Variants in PDE1A observed in about 807,000 individuals in gnomAD.
PDE1A encodes the protein phosphodiesterase 1A.
A neutral mutation model predicts 61.7 loss-of-function variants in PDE1A; 35 were observed. The ratio of observed to expected loss-of-function variants is 0.57; its 90% CI spans 0.43 to 0.75. PDE1A has a LOEUF of 0.75. Ranked by LOEUF, PDE1A falls within the 30% of genes least tolerant of loss-of-function variation. PDE1A has a pLI of 0.00. For synonymous variants in PDE1A, 232 were observed against 213.2 expected (o/e 1.09, Z -0.77); for missense variants, 597 against 630.6 (o/e 0.95, Z 0.57).
At chr2:182,221,755 G>A (rs150644974) in intron 7 of PDE1A, among the ~76,000 whole-genome samples, 1 of 152,112 alleles carries the variant, frequency 6.6e-6, no homozygotes, top group East Asian at 1.9e-4. Flanking sequence ...TCTGGCTGTG[G>A]GAGCAGACTT....
the PDE1A span, among the ~76,000 whole-genome samples, chr2:182,564,420 A>G: frequency 6.6e-6 from 1 of 152,084 alleles, no homozygotes; most frequent in Non-Finnish European, 1.5e-5. Context: ...CTGCCGAGAG[A>G]TCTGCTGTTA....
chr2:182,609,506 T>C, the PDE1A span, among the ~76,000 whole-genome samples: 3 of 152,338 alleles, frequency 2.0e-5, no homozygotes, highest in Admixed American at 2.0e-4. Flanking sequence ...GTCTGCAGCC[T>C]CACTCCTGAA....
chr2:182,518,204 T>C (rs576576111), intron 2 of PDE1A, among the ~76,000 whole-genome samples: 5 of 152,354 alleles, frequency 3.3e-5, no homozygotes, highest in Non-Finnish European at 5.9e-5. Context: ...ATGATGCTAA[T>C]AGCTCCTGTC....
intron 1 of PDE1A, among the ~76,000 whole-genome samples, chr2:182,346,858 T>A (rs1355035867): frequency 6.6e-6 from 1 of 152,140 alleles, no homozygotes; most frequent in African/African-American, 2.4e-5. Flanking sequence ...GGATTTGAGC[T>A]CATACCTGTC....
upstream of PDE1A, among the ~76,000 whole-genome samples, chr2:182,431,839 A>C (rs1353775505): frequency 1.3e-5 from 2 of 152,062 alleles, no homozygotes; most frequent in Middle Eastern, 3.2e-3. Context: ...AAAAAGAAGA[A>C]ACAACTTACC....
intron 1 of PDE1A, among the ~76,000 whole-genome samples, chr2:182,360,730 T>C (rs536417816): frequency 1.3e-5 from 2 of 151,824 alleles, no homozygotes; most frequent in African/African-American, 4.8e-5. Flanking sequence ...GTTTTTTTTT[T>C]CCCCCTATGG....
chr2:182,359,631 C>G (rs575411773), intron 1 of PDE1A, among the ~76,000 whole-genome samples: 9 of 152,136 alleles, frequency 5.9e-5, no homozygotes, highest in African/African-American at 2.2e-4. Context: ...TGTTTGACAT[C>G]CACATCAGTA....
the PDE1A span, among the ~76,000 whole-genome samples, chr2:182,649,320 TCC>T: frequency 6.6e-6 from 1 of 152,162 alleles, no homozygotes; most frequent in African/African-American, 2.4e-5. Context: ...CATGAGCTAT[TCC>T]TAACACTTCA....
chr2:182,543,993 C>T, the PDE1A span, among the ~76,000 whole-genome samples: 5 of 152,290 alleles, frequency 3.3e-5, no homozygotes, highest in Non-Finnish European at 2.9e-5. Flanking sequence ...TGAATTCTGT[C>T]ATGATATTGA....
chr2:182,631,292 T>TTAA, the PDE1A span, among the ~76,000 whole-genome samples: 1 of 142,072 alleles, frequency 7.0e-6, no homozygotes, highest in African/African-American at 2.5e-5. Context: ...TTCTTTTTTT[T>TTAA]TTAATTAATT....
chr2:182,612,348 C>G, the PDE1A span, among the ~76,000 whole-genome samples: 4 of 152,134 alleles, frequency 2.6e-5, no homozygotes, highest in Non-Finnish European at 4.4e-5. Context: ...TGTTCAGAAA[C>G]AGATTGGAGT....
intron 1 of PDE1A, among the ~76,000 whole-genome samples, chr2:182,265,345 C>A (rs113311436): frequency 6.6e-6 from 1 of 151,938 alleles, no homozygotes; most frequent in Non-Finnish European, 1.5e-5. Context: ...CTGCTAGATT[C>A]GCTATTATTC....
At chr2:182,660,409 T>G in the PDE1A span, among the ~76,000 whole-genome samples, 1 of 152,218 alleles carries the variant, frequency 6.6e-6, no homozygotes, top group Admixed American at 6.5e-5. Context: ...CCTCATCCTG[T>G]ATAACCCTAT....
At position 182,384,458 on chromosome 2, in the gene PDE1A, A is replaced by AAATAATAATAATAAT. The variant is rs112896044; in HGVS notation, c.53+42105_53+42119dup. The stretch of plus-strand genomic sequence containing the variant: ...CAAAAAGCAAAATTTAATAAAGAGA[A>AAATAATAATAATAAT]AATAATAATAATAATAATAATAATA... On this transcript the variant is annotated intron_variant, in intron 1 of 13. Transcript: ENST00000351439. 3.4e-3 allele frequency among the ~76,000 whole-genome samples: 476 copies of AAATAATAATAATAAT among 141,906 alleles called. 2 individuals are homozygous for AAATAATAATAATAAT. The highest frequency in any genetic ancestry group is 9.1e-3 in the African/African-American group (335 of 36,732). The allele number at this position is 141,906 out of a possible 152,430, so 93.1% of individuals were successfully genotyped here.
chr2:182,543,145 A>G, the PDE1A span, among the ~76,000 whole-genome samples: 1 of 152,214 alleles, frequency 6.6e-6, no homozygotes, highest in African/African-American at 2.4e-5. Flanking sequence ...CATGCTTTAT[A>G]CCTGCACTAT....
the PDE1A span, among the ~76,000 whole-genome samples, chr2:182,653,665 T>C: frequency 6.6e-6 from 1 of 152,142 alleles, no homozygotes; most frequent in South Asian, 2.1e-4. Context: ...ATTGATGTAA[T>C]CAACTTGCCA....
At chr2:182,247,560 G>C (rs536952175) in intron 2 of PDE1A, among the ~76,000 whole-genome samples, 1 of 151,680 alleles carries the variant, frequency 6.6e-6, no homozygotes, top group Non-Finnish European at 1.5e-5. Context: ...CCTTTCCCTC[G>C]TACCCGCCTT....
At chr2:182,659,207 G>A in the PDE1A span, among the ~76,000 whole-genome samples, 1 of 152,062 alleles carries the variant, frequency 6.6e-6, no homozygotes, top group Non-Finnish European at 1.5e-5. Context: ...TTTCTATTCT[G>A]AATATTTTTT....
chr2:182,517,804 C>G (rs1272034604), intron 2 of PDE1A, among the ~76,000 whole-genome samples: 2 of 152,112 alleles, frequency 1.3e-5, no homozygotes, highest in Non-Finnish European at 2.9e-5. Context: ...TTTAGCCTAC[C>G]CGGACCCTGC....
Sources: allele counts gnomAD v4.1 joint callset (sites outside exome capture counted in the v4.1 genomes callset), GRCh38; gene constraint gnomAD v4.1.1; transcripts MANE v1.5; gene names NCBI Gene and HGNC (gene_info 2026-07-23, HGNC 2026-07-21).